The following PHEX variants were observed in gnomAD, a reference collection of about 807,000 sequenced individuals.
PHEX encodes the protein phosphate-regulating neutral endopeptidase PHEX.
Under a neutral mutation model 68.0 loss-of-function variants are expected in PHEX, and 16 were observed. The observed-to-expected ratio is 0.24, with a 90% CI of 0.16 to 0.36. The LOEUF is 0.36. Ranked by LOEUF, PHEX falls within the 10% of genes least tolerant of loss-of-function variation. The pLI, the probability that PHEX is intolerant of heterozygous loss-of-function variation, is 1.00. For missense variants in PHEX, 480 were observed against 575.5 expected (o/e 0.83, Z 1.70); for synonymous variants, 208 against 205.1 (o/e 1.01, Z -0.12).
At chrX:22,036,224 T>C (rs1463271875) in intron 1 of PHEX, among the ~76,000 whole-genome samples, 3 of 107,121 alleles carry the variant, frequency 2.8e-5, no homozygotes, top group Admixed American at 2.0e-4. Context: ...CACGCCCAGC[T>C]AAGATTTGTA....
chrX:22,176,078 C>T (rs1933684214), intron 13 of PHEX, among the ~76,000 whole-genome samples: 1 of 111,390 alleles, frequency 9.0e-6, no homozygotes. Context: ...AAACCTTTAT[C>T]TTAAAATATA....
chrX:22,237,642 T>G (rs1465903734), intron 20 of PHEX, among the ~76,000 whole-genome samples: 3 of 112,051 alleles, frequency 2.7e-5, no homozygotes, highest in Non-Finnish European at 1.9e-5. Context: ...AAATATAGTT[T>G]AAACGCTCTG....
At chrX:22,229,810 T>G (rs1935648977) in intron 20 of PHEX, among the ~76,000 whole-genome samples, 1 of 112,423 alleles carries the variant, frequency 8.9e-6, no homozygotes, top group African/African-American at 3.2e-5. Flanking sequence ...CATGAAGTCT[T>G]TGCCCATGCC....
At chrX:22,040,801 C>G (rs999039834) in intron 2 of PHEX, among the ~76,000 whole-genome samples, 1 of 107,994 alleles carries the variant, frequency 9.3e-6, no homozygotes, top group Non-Finnish European at 1.9e-5. Flanking sequence ...TAAGTGTGCT[C>G]GAAAGCCTCT....
chrX:22,105,068 G>A (rs889513412), intron 9 of PHEX, among the ~76,000 whole-genome samples: 7 of 112,191 alleles, frequency 6.2e-5, no homozygotes, highest in Non-Finnish European at 1.3e-4. Flanking sequence ...GACCTCTCCT[G>A]GGGGCCAGCT....
At chrX:22,079,102 T>C (rs1433117785) in intron 5 of PHEX, among the ~76,000 whole-genome samples, 1 of 112,115 alleles carries the variant, frequency 8.9e-6, no homozygotes, top group Non-Finnish European at 1.9e-5. Context: ...ACACCTTAAG[T>C]TGGTGTTTTG....
intron 3 of PHEX, among the ~76,000 whole-genome samples, chrX:22,066,289 C>A (rs1003027206): frequency 8.9e-6 from 1 of 112,046 alleles, no homozygotes; most frequent in African/African-American, 3.2e-5. Context: ...CAGGCCCCAT[C>A]ATGTTGATCT....
At chrX:22,200,045 A>G (rs1934499068) in intron 15 of PHEX, among the ~76,000 whole-genome samples, 1 of 111,949 alleles carries the variant, frequency 8.9e-6, no homozygotes, top group South Asian at 3.8e-4. Flanking sequence ...CTGTGCAGCT[A>G]GGCTTTGCTG....
chrX:22,235,225 C>CACTT (rs1417908818), intron 20 of PHEX, among the ~76,000 whole-genome samples: 1 of 112,032 alleles, frequency 8.9e-6, no homozygotes, highest in Non-Finnish European at 1.9e-5. Flanking sequence ...AGAAATCACC[C>CACTT]ACTTACTTTC....
At chrX:22,092,749 CTTT>C (rs370527485) in intron 6 of PHEX, among the ~76,000 whole-genome samples, 4 of 77,951 alleles carry the variant, frequency 5.1e-5, no homozygotes, top group African/African-American at 2.2e-4. Context: ...TTCTTTCTTT[CTTT>C]TTTTTTTTTT....
intron 6 of PHEX, among the ~76,000 whole-genome samples, chrX:22,091,141 C>G (rs1202538649): frequency 9.0e-6 from 1 of 111,710 alleles, no homozygotes; most frequent in Non-Finnish European, 1.9e-5. Flanking sequence ...TCCAAAGGAG[C>G]CTCAGACCTA....
chrX:22,170,097 T>C (rs1933472047), intron 13 of PHEX, among the ~76,000 whole-genome samples: 1 of 112,287 alleles, frequency 8.9e-6, no homozygotes, highest in Admixed American at 9.4e-5. Flanking sequence ...TTTGGAAATA[T>C]ATCTGTATCA....
chrX:22,111,445 G>A (rs878965579), intron 9 of PHEX, 22 bp from the exon 10 acceptor site: 2 of 1,104,662 alleles, frequency 1.8e-6, no homozygotes, highest in South Asian at 1.8e-5. Flanking sequence ...TACAATAAAT[G>A]GGCATCTCTC....
chrX:22,092,660 A>G (rs185949051), intron 6 of PHEX, among the ~76,000 whole-genome samples: 137 of 110,720 alleles, frequency 1.2e-3, no homozygotes, highest in African/African-American at 4.3e-3. Flanking sequence ...AGTGTGAGCC[A>G]CCACCTCCGG....
At chrX:22,178,988 T>A (rs1933797005) in intron 14 of PHEX, among the ~76,000 whole-genome samples, 1 of 112,363 alleles carries the variant, frequency 8.9e-6, no homozygotes, top group Non-Finnish European at 1.9e-5. Flanking sequence ...ATGTAGCAGC[T>A]AACAATTATT....
chrX:22,083,670 A>G (rs984535445), intron 5 of PHEX, among the ~76,000 whole-genome samples: 1 of 111,900 alleles, frequency 8.9e-6, no homozygotes, highest in Admixed American at 9.5e-5. Context: ...GGTGTATACA[A>G]TGCTGTTGAT....
intron 14 of PHEX, among the ~76,000 whole-genome samples, chrX:22,179,217 C>G (rs1296499118): frequency 9.9e-6 from 1 of 100,945 alleles, no homozygotes; most frequent in Non-Finnish European, 2.1e-5. Flanking sequence ...GCCCACTTCT[C>G]CAATGCTTTT....
In PHEX at chrX:22,227,611, T is replaced by C; in HGVS notation, c.2070T>C (p.His690=). 6 of 1,160,008 alleles carry C rather than the reference T, an allele frequency of 5.2e-6. No homozygotes were observed. The highest frequency in any genetic ancestry group is 7.1e-6 in the Non-Finnish European group (6 of 848,253). The change falls in exon 20 of 22, where the codon CAT becomes CAC. Residue 690 remains histidine, a splice_region_variant and synonymous_variant. Coordinates refer to ENST00000379374, the MANE Select transcript of PHEX (RefSeq NM_000444.6). ...AGCTCTTCTTCCTGAGTTATGCTCA[T>C]GTGAGTAGACTGAGGAAGGGGCATC... ...NNQLFFLSYA[H]VRCNSYRPEA...
chrX:22,110,666 G>A (rs1255796272), intron 9 of PHEX, among the ~76,000 whole-genome samples: 1 of 102,269 alleles, frequency 9.8e-6, no homozygotes, highest in Non-Finnish European at 2.0e-5. Flanking sequence ...CATGGATGAA[G>A]CTGGAAACCA....
Sources: gnomAD v4.1 joint callset for allele counts (sites outside exome capture counted in the v4.1 genomes callset) on GRCh38, gnomAD v4.1.1 for gene constraint, MANE v1.5 for transcripts, NCBI Gene and HGNC (gene_info 2026-07-23, HGNC 2026-07-21) for gene names.